The following KIF13A variants were observed in gnomAD, a reference collection of about 807,000 sequenced individuals.
KIF13A encodes kinesin-like protein KIF13A.
In KIF13A, 79 loss-of-function variants were observed where a neutral mutation model predicts 212.2. The observed-to-expected ratio is 0.37, with a 90% CI of 0.31 to 0.45. The LOEUF is 0.45. KIF13A is among the 20% of genes least tolerant of loss of function. The pLI is 1.00. For synonymous variants in KIF13A, 789 were observed against 808.6 expected (o/e 0.98, Z 0.41); for missense variants, 1,901 against 2,209.0 (o/e 0.86, Z 2.79).
Position 17,785,779 on chromosome 6 carries a change from G to A in KIF13A, c.3362-138C>T, listed in dbSNP as rs1761009925. On this transcript the variant is annotated intron_variant, in intron 27 of 38. Coordinates refer to ENST00000259711, the MANE Select transcript of KIF13A (RefSeq NM_022113.6). The surrounding 1 kb of genome is among the most constrained non-coding windows in gnomAD (Gnocchi z 5.8). ...AAAAAAAAAATAGTTGGGCAGGGTG[G>A]TGGTACGCATGCCTGTAGTCCCAGA... The A allele has an allele frequency of 2.3e-6, 2 of 883,860 alleles. No individual in the cohort carries two copies. The highest frequency in any genetic ancestry group is 3.5e-6 in the Non-Finnish European group (2 of 576,768). The allele number at this position is 883,860 out of a possible 1,614,324, so 54.8% of individuals were successfully genotyped here.
chr6:17,815,791 C>A (rs1314806036), intron 17 of KIF13A, among the ~76,000 whole-genome samples: 2 of 151,984 alleles, frequency 1.3e-5, no homozygotes, highest in African/African-American at 4.8e-5. Flanking sequence ...CAGCTTGTGC[C>A]CTTGGTCTCT....
At position 17,918,844 on chromosome 6, in the gene KIF13A, T is replaced by G. The variant is rs1185861505; in HGVS notation, c.147-20664A>C. Among the ~76,000 whole-genome samples the G allele has an allele frequency of 6.6e-6, 1 of 152,190 alleles. No homozygotes were observed. The highest frequency in any genetic ancestry group is 1.9e-4 in the East Asian group (1 of 5,194). ...TCACTCAGTCTCCTATCACTGTGCT[T>G]TGTTTCCTTCTCAGCACCTTTCGCC... On this transcript the variant is annotated intron_variant, in intron 2 of 38. Coordinates refer to ENST00000259711, the MANE Select transcript of KIF13A (RefSeq NM_022113.6). This position sits in a 1 kb window ranked among gnomAD's most constrained non-coding sequence, Gnocchi z 4.8.
intron 25 of KIF13A, among the ~76,000 whole-genome samples, chr6:17,791,299 A>T (rs932927243): frequency 2.0e-5 from 3 of 152,114 alleles, no homozygotes; most frequent in Non-Finnish European, 4.4e-5. Flanking sequence ...TGGCCTAAGC[A>T]TTCATGACAT....
intron 2 of KIF13A, among the ~76,000 whole-genome samples, chr6:17,972,833 GA>G (rs34095609): frequency 0.51 from 57,660 of 113,238 alleles, 13,301 homozygotes; most frequent in South Asian, 0.54. Context: ...GAGAGAGTGA[GA>G]AAAAAAAAAA....
chr6:17,958,887 T>C (rs1376615713), intron 2 of KIF13A, among the ~76,000 whole-genome samples: 1 of 120,860 alleles, frequency 8.3e-6, no homozygotes, highest in African/African-American at 3.2e-5. Context: ...TTTTTTTTTT[T>C]TTTTTTTTTT....
At chr6:17,889,512 T>C (rs937176434) in intron 3 of KIF13A, among the ~76,000 whole-genome samples, 3 of 152,228 alleles carry the variant, frequency 2.0e-5, no homozygotes, top group Admixed American at 1.3e-4. Context: ...TAAAAAAGAA[T>C]ATGATCCTAC....
At chr6:17,824,809 C>T (rs1315919795) in intron 16 of KIF13A, among the ~76,000 whole-genome samples, 5 of 151,624 alleles carry the variant, frequency 3.3e-5, no homozygotes, top group African/African-American at 4.8e-5. Context: ...TTCAAGCCCC[C>T]TGTCAGGTAG....
rs535755615 is a variant in KIF13A at position 17,825,332 on chromosome 6, C to T, written c.1786+436G>A. ...ATAAATATCTTTGGGGTAAAATTTC[C>T]AATTGAGTTTATACTAAAATGCTGT... On this transcript the variant is annotated intron_variant, in intron 16 of 38. Transcript: ENST00000259711. The surrounding 1 kb of genome is among the most constrained non-coding windows in gnomAD (Gnocchi z 4.5). Among the ~76,000 whole-genome samples, 1 of 152,180 alleles carries T rather than the reference C, an allele frequency of 6.6e-6. No individual in the cohort carries two copies. Among genetic ancestry groups the T allele is most frequent in the South Asian group, 2.1e-4 (1 of 4,820 alleles).
At chr6:17,879,365 G>C (rs1448256424) in intron 3 of KIF13A, among the ~76,000 whole-genome samples, 1 of 152,150 alleles carries the variant, frequency 6.6e-6, no homozygotes, top group Non-Finnish European at 1.5e-5. Flanking sequence ...ATATTACCAG[G>C]GGAAGGAGTT....
chr6:17,852,998 T>C (rs1767801969), intron 6 of KIF13A, among the ~76,000 whole-genome samples: 2 of 152,182 alleles, frequency 1.3e-5, no homozygotes, highest in Non-Finnish European at 2.9e-5. Context: ...GCTATGTATA[T>C]ACTGACCATA....
In KIF13A at chr6:17,843,983, C is replaced by T. The variant is rs1398823359; in HGVS notation, c.830+5394G>A. Among the ~76,000 whole-genome samples the T allele has an allele frequency of 4.7e-5, 7 of 149,196 alleles. No homozygotes were observed. Among genetic ancestry groups the T allele is most frequent in the East Asian group, 2.0e-4 (1 of 5,078 alleles). Reference sequence around the variant, plus strand: ...TCACTTGAACCCAGGAGATGGAGGTCGCAGTGAGCCGAGATCGTGCCACTG... The same window carrying T: ...TCACTTGAACCCAGGAGATGGAGGTTGCAGTGAGCCGAGATCGTGCCACTG... On this transcript the variant is annotated intron_variant, in intron 9 of 38. Coordinates refer to ENST00000259711, the MANE Select transcript of KIF13A (RefSeq NM_022113.6). The surrounding 1 kb of genome is among the most constrained non-coding windows in gnomAD (Gnocchi z 5.3).
chr6:17,817,615 A>G (rs1006213106), intron 16 of KIF13A, among the ~76,000 whole-genome samples: 1 of 152,202 alleles, frequency 6.6e-6, no homozygotes, highest in African/African-American at 2.4e-5. Flanking sequence ...AGCACATAAG[A>G]TTTGATCTTT....
intron 2 of KIF13A, among the ~76,000 whole-genome samples, chr6:17,957,838 T>G (rs2150581394): frequency 6.6e-6 from 1 of 152,336 alleles, no homozygotes. Flanking sequence ...ATCACAATAT[T>G]TAAAGACATG....
At chr6:17,969,099 T>C (rs1048416065) in intron 2 of KIF13A, among the ~76,000 whole-genome samples, 13 of 152,306 alleles carry the variant, frequency 8.5e-5, no homozygotes, top group African/African-American at 3.1e-4. Flanking sequence ...GCACTTACTA[T>C]GTACAAGGCA....
chr6:17,794,419 G>T lies in KIF13A; in HGVS notation c.3076-24C>A. Reference sequence around the variant, plus strand: ...CCCTGAAGAGGGTGGGGAGGAGTATGGGTGCCAGGAATGATAATGAAAAGG... The same window carrying T: ...CCCTGAAGAGGGTGGGGAGGAGTATTGGTGCCAGGAATGATAATGAAAAGG... On this transcript the variant is annotated intron_variant, in intron 24 of 38. Transcript: ENST00000259711. The surrounding 1 kb of genome is among the most constrained non-coding windows in gnomAD (Gnocchi z 4.1). The T allele has an allele frequency of 6.2e-7, 1 of 1,600,102 alleles. No homozygotes were observed. Among genetic ancestry groups the T allele is most frequent in the Non-Finnish European group, 8.5e-7 (1 of 1,170,038 alleles).
rs1776243254 is a variant in KIF13A, at chr6:17,934,062, A to G, written c.147-35882T>C. Reference sequence around the variant, plus strand: ...TCAATTCAATCTAAATTGTGTCGTTAGGGTCAACTTTTATTTTTTTTTGAA... The same window carrying G: ...TCAATTCAATCTAAATTGTGTCGTTGGGGTCAACTTTTATTTTTTTTTGAA... On this transcript the variant is annotated intron_variant, in intron 2 of 38. Transcript: ENST00000259711. This position sits in a 1 kb window ranked among gnomAD's most constrained non-coding sequence, Gnocchi z 5.4. 6.6e-6 allele frequency among the ~76,000 whole-genome samples: 1 copy of G among 152,270 alleles called. No homozygotes were observed. Among genetic ancestry groups the G allele is most frequent in the Non-Finnish European group, 1.5e-5 (1 of 68,048 alleles).
chr6:17,850,342 A>G lies in KIF13A; in HGVS notation c.698T>C (p.Leu233Pro). 2 of 1,613,436 alleles carry G rather than the reference A, an allele frequency of 1.2e-6. No individual in the cohort carries two copies. Among genetic ancestry groups the G allele is most frequent in the Non-Finnish European group, 1.7e-6 (2 of 1,179,596 alleles). ...AVFNIIITQT[L>P]YDLQSGNSGE... ...CCTTACCCCAGACTGCAGGTCATAA[A>G]GTGTCTGTGTGATTATGATGTTGAA... Residue 233 changes from leucine (L) to proline (P), a missense_variant, in exon 8 of 39, where the codon CTT becomes CCT. Physicochemically the swap from Leu to Pro is moderately conservative, Grantham distance 98. This residue lies in a region of KIF13A where 506 missense variants were observed against 637.4 expected (regional missense o/e 0.79). Coordinates refer to ENST00000259711, the MANE Select transcript of KIF13A (RefSeq NM_022113.6). The surrounding 1 kb of genome is among the most constrained non-coding windows in gnomAD (Gnocchi z 6.2).
At position 17,850,343 on chromosome 6, in the gene KIF13A, G is replaced by T. The variant is rs1418081522; in HGVS notation, c.697C>A (p.Leu233Ile). 6.2e-7 allele frequency: 1 copy of T among 1,613,694 alleles called. No homozygotes were observed. Among genetic ancestry groups the T allele is most frequent in the East Asian group, 2.2e-5 (1 of 44,872 alleles). ...CTTACCCCAGACTGCAGGTCATAAA[G>T]TGTCTGTGTGATTATGATGTTGAAC... ...AVFNIIITQT[L>I]YDLQSGNSGE... The change falls in exon 8 of 39, where the codon CTT becomes ATT. Residue 233 changes from leucine to isoleucine, a missense_variant. Transcript: ENST00000259711. This position sits in a 1 kb window ranked among gnomAD's most constrained non-coding sequence, Gnocchi z 6.2.
chr6:17,957,994 G>C (rs1034515805), intron 2 of KIF13A, among the ~76,000 whole-genome samples: 3 of 152,158 alleles, frequency 2.0e-5, no homozygotes, highest in African/African-American at 7.2e-5. Context: ...CTAGGAAACA[G>C]TCACAGAAAA....
Sources: allele counts gnomAD v4.1 joint callset (sites outside exome capture counted in the v4.1 genomes callset), GRCh38; gene constraint gnomAD v4.1.1; regional missense constraint gnomAD v4.1.1; non-coding constraint Gnocchi (gnomAD v3.1); transcripts MANE v1.5; gene names NCBI Gene and HGNC (gene_info 2026-07-23, HGNC 2026-07-21).